The following ZDHHC21 variants were observed in gnomAD, a reference collection of about 807,000 sequenced individuals.
ZDHHC21 encodes the protein zDHHC palmitoyltransferase 21, also known as palmitoyltransferase ZDHHC21.
In ZDHHC21, 15 loss-of-function variants were observed where a neutral mutation model predicts 34.6. The observed-to-expected ratio is 0.43, with a 90% confidence interval of 0.29 to 0.67. The LOEUF (loss-of-function observed/expected upper bound fraction) is 0.67. Among genes scored for constraint, ZDHHC21 ranks in the 30% least tolerant of loss-of-function variants. The pLI, the probability that ZDHHC21 is intolerant of heterozygous loss-of-function variation, is 0.14. For missense variants in ZDHHC21, 344 were observed against 327.7 expected (o/e 1.05, Z -0.38); for synonymous variants, 142 against 101.8 (o/e 1.40, Z -2.38).
chr9:14,594,386 T>A, the ZDHHC21 span, among the ~76,000 whole-genome samples: 2 of 152,214 alleles, frequency 1.3e-5, no homozygotes, highest in African/African-American at 4.8e-5. Context: ...ATAATTCACA[T>A]GCTAGAAATA....
the ZDHHC21 span, among the ~76,000 whole-genome samples, chr9:14,599,476 C>T: frequency 6.6e-6 from 1 of 152,222 alleles, no homozygotes; most frequent in East Asian, 1.9e-4. Flanking sequence ...CCCTCAGGTG[C>T]CTATATCACC....
intron 2 of ZDHHC21, among the ~76,000 whole-genome samples, chr9:14,680,828 G>A (rs963653910): frequency 6.6e-6 from 1 of 152,144 alleles, no homozygotes; most frequent in African/African-American, 2.4e-5. Context: ...TTAAGACAGA[G>A]AGCAAGGGGA....
chr9:14,633,087 C>G (rs1827637467), intron 8 of ZDHHC21, among the ~76,000 whole-genome samples: 1 of 152,164 alleles, frequency 6.6e-6, no homozygotes, highest in Admixed American at 6.5e-5. Context: ...AAATGTACGT[C>G]CACACAAAAA....
chr9:14,631,364 G>A (rs945749457), intron 8 of ZDHHC21, among the ~76,000 whole-genome samples: 2 of 152,168 alleles, frequency 1.3e-5, no homozygotes, highest in Non-Finnish European at 2.9e-5. Flanking sequence ...TAAAATTGAA[G>A]AGTTGGGGCC....
At chr9:14,659,912 C>T (rs1441453120) in intron 6 of ZDHHC21, among the ~76,000 whole-genome samples, 1 of 152,120 alleles carries the variant, frequency 6.6e-6, no homozygotes, top group Non-Finnish European at 1.5e-5. Flanking sequence ...CAACAGCTGC[C>T]GATTGAAAGA....
At chr9:14,673,892 T>C (rs979208358) in intron 4 of ZDHHC21, among the ~76,000 whole-genome samples, 1 of 151,978 alleles carries the variant, frequency 6.6e-6, no homozygotes, top group Non-Finnish European at 1.5e-5. Flanking sequence ...AAAACAGCAA[T>C]AATAAAAATA....
At chr9:14,591,970 T>C in the ZDHHC21 span, among the ~76,000 whole-genome samples, 8 of 152,166 alleles carry the variant, frequency 5.3e-5, no homozygotes, top group Non-Finnish European at 2.9e-5. Flanking sequence ...TACAGACATA[T>C]AGTTGGATCT....
intron 8 of ZDHHC21, among the ~76,000 whole-genome samples, chr9:14,631,348 C>G (rs914224680): frequency 6.6e-6 from 1 of 152,190 alleles, no homozygotes; most frequent in South Asian, 2.1e-4. Context: ...CCTCTTACAG[C>G]CTTCATAAAA....
At chr9:14,685,089 C>T (rs1233727000) in intron 2 of ZDHHC21, among the ~76,000 whole-genome samples, 2 of 152,012 alleles carry the variant, frequency 1.3e-5, no homozygotes, top group African/African-American at 4.8e-5. Flanking sequence ...AGACCTAAAA[C>T]CATAAAAACC....
At chr9:14,632,107 T>A (rs1397034128) in intron 8 of ZDHHC21, among the ~76,000 whole-genome samples, 1 of 150,386 alleles carries the variant, frequency 6.6e-6, no homozygotes, top group Non-Finnish European at 1.5e-5. Flanking sequence ...CAAAGCACAA[T>A]ATAACAAGTA....
chr9:14,663,727 G>C (rs935152736), intron 5 of ZDHHC21, among the ~76,000 whole-genome samples: 2 of 151,930 alleles, frequency 1.3e-5, no homozygotes, highest in African/African-American at 4.8e-5. Flanking sequence ...CCAATAATAT[G>C]AAAGTTGAGA....
chr9:14,633,982 G>A (rs1392556105), intron 8 of ZDHHC21, among the ~76,000 whole-genome samples: 1 of 152,172 alleles, frequency 6.6e-6, no homozygotes. Context: ...CAGGGGACCT[G>A]AGGCTAGGTC....
intron 7 of ZDHHC21, among the ~76,000 whole-genome samples, chr9:14,646,877 A>G (rs1375069081): frequency 6.6e-6 from 1 of 152,086 alleles, no homozygotes; most frequent in African/African-American, 2.4e-5. Context: ...TCTTAGCAGT[A>G]TGCAAGTTTC....
chr9:14,688,287 G>A (rs973523036), intron 2 of ZDHHC21, among the ~76,000 whole-genome samples: 4 of 151,006 alleles, frequency 2.6e-5, no homozygotes, highest in African/African-American at 9.9e-5. Flanking sequence ...GACTGGCAAA[G>A]CAGCGCCTCC....
At position 14,615,202 on chromosome 9, in the gene ZDHHC21, T is replaced by C. The variant is rs191266151; in HGVS notation, c.*3764A>G. On this transcript the variant is annotated 3_prime_UTR_variant, in exon 10 of 10. Coordinates refer to ENST00000380916, the MANE Select transcript of ZDHHC21 (RefSeq NM_178566.6). ...TGAAGTGTTGTCCTAACTTAAGTCT[T>C]CATGATTAGCATTCAGAATTAATAC... The C allele has an allele frequency of 6.6e-6, 1 of 151,856 alleles. No individual in the cohort carries two copies. The highest frequency in any genetic ancestry group is 1.5e-5 in the Non-Finnish European group (1 of 67,688). The allele number at this position is 151,856 out of a possible 1,614,324, so 9.4% of individuals were successfully genotyped here.
intron 6 of ZDHHC21, among the ~76,000 whole-genome samples, chr9:14,661,143 A>T (rs1034634878): frequency 6.6e-6 from 1 of 152,176 alleles, no homozygotes; most frequent in Non-Finnish European, 1.5e-5. Context: ...AATTTTTAAA[A>T]TTTTTATGTA....
chr9:14,681,818 C>T (rs1837432201), intron 2 of ZDHHC21, among the ~76,000 whole-genome samples: 1 of 151,800 alleles, frequency 6.6e-6, no homozygotes, highest in Non-Finnish European at 1.5e-5. Context: ...CAGATCGAAG[C>T]CCATCAGACT....
downstream of ZDHHC21, among the ~76,000 whole-genome samples, chr9:14,606,634 G>GT (rs1564155986): frequency 2.0e-5 from 3 of 152,100 alleles, no homozygotes; most frequent in Non-Finnish European, 2.9e-5. Flanking sequence ...AAAATGGTTG[G>GT]TTTTTTTATG....
At chr9:14,599,174 C>T in the ZDHHC21 span, among the ~76,000 whole-genome samples, 7 of 152,300 alleles carry the variant, frequency 4.6e-5, no homozygotes, top group Admixed American at 4.6e-4. Context: ...CGAATAGGAA[C>T]AGCTTTGGTC....
Sources: gnomAD v4.1 joint callset for allele counts (sites outside exome capture counted in the v4.1 genomes callset) on GRCh38, gnomAD v4.1.1 for gene constraint, MANE v1.5 for transcripts, NCBI Gene and HGNC (gene_info 2026-07-23, HGNC 2026-07-21) for gene names.